Variants in SCYL3 observed in about 807,000 individuals in gnomAD.
SCYL3 encodes the protein protein-associating with the carboxyl-terminal domain of ezrin.
SCYL3 carries 35 observed loss-of-function variants against 73.8 expected under a neutral mutation model. The observed-to-expected ratio is 0.47, with a 90% CI of 0.36 to 0.63. The LOEUF is 0.63. Among genes scored for constraint, SCYL3 ranks in the 20% least tolerant of loss-of-function variants. The pLI is 0.00. For missense variants in SCYL3, 712 were observed against 798.9 expected (o/e 0.89, Z 1.31); for synonymous variants, 277 against 295.2 (o/e 0.94, Z 0.63).
At position 169,864,516 on chromosome 1, in the gene SCYL3, C is replaced by A. The variant is rs1211555527; in HGVS notation, c.816-8G>T. ...ACTCTGTCCAGCAGAAATCTGAGGA[C>A]AAAAAGGGAAAGCCCAGGAAACTGG... is the stretch of plus-strand genomic sequence containing the variant. On this transcript the variant is annotated splice_region_variant and splice_polypyrimidine_tract_variant and intron_variant, in intron 8 of 12. Coordinates refer to ENST00000367771, the MANE Select transcript of SCYL3 (RefSeq NM_020423.7). The A allele has an allele frequency of 6.3e-7, 1 of 1,578,240 alleles. No individual in the cohort carries two copies. The highest frequency in any genetic ancestry group is 1.2e-5 in the South Asian group (1 of 84,624).
At chr1:169,877,903 G>GA (rs2102189683) in intron 3 of SCYL3, among the ~76,000 whole-genome samples, 1 of 152,188 alleles carries the variant, frequency 6.6e-6, no homozygotes, top group East Asian at 1.9e-4. Flanking sequence ...CCAATTAATT[G>GA]AAAAAAATTT....
At position 169,869,021 on chromosome 1, in the gene SCYL3, G is replaced by A. The variant is rs747000775; in HGVS notation, c.644C>T (p.Ser215Phe). ...LNEQVSADVL[S>F]SFQQTLHSTL... ...TGAGTGCAAGGTCTGTTGAAAGCTG[G>A]AGAGAACATCCGCTGAAACTGAAAT... The change falls in exon 7 of 13, where the codon TCC (serine) becomes TTC (phenylalanine). Residue 215 changes from serine (S) to phenylalanine (F), a missense_variant. By Grantham distance (155) the Ser-to-Phe change is radical. Transcript: ENST00000367771. The A allele has an allele frequency of 6.2e-7, 1 of 1,614,032 alleles. No homozygotes were observed.
In SCYL3 at chr1:169,884,298, CGTTTT is replaced by C. The variant is rs546069242; in HGVS notation, c.165+4373_165+4377del. ...ATTTTTTACAAGTGTTTTTTTATTT[CGTTTT>C]GTTTTGTTTTTGAGACAGAGTGTCG... is the stretch of plus-strand genomic sequence containing the variant. On this transcript the variant is annotated intron_variant, in intron 2 of 12. Transcript: ENST00000367771. Among the ~76,000 whole-genome samples, 3 of 151,836 alleles carry C rather than the reference CGTTTT, an allele frequency of 2.0e-5. No homozygotes were observed. The South Asian group carries it at 6.3e-4, about 32-fold the overall frequency.
rs754684220 is a variant in SCYL3, at chr1:169,868,968, G to A, written c.697C>T (p.Arg233Trp). The part of the protein sequence containing the change: ...STLLNPIPKC[R>W]PALCTLLSHD... ...GATAGTAAGGTGCAGAGCGCTGGCC[G>A]ACATTTTGGAATGGGATTCAGCAAA... Residue 233 changes from arginine (R) to tryptophan (W), a missense_variant, in exon 7 of 13, where the codon CGG becomes TGG. Arg to Trp is a moderately radical substitution (Grantham distance 101). Transcript: ENST00000367771. The A allele has an allele frequency of 5.6e-6, 9 of 1,614,112 alleles. No homozygotes were observed. The highest frequency in any genetic ancestry group is 1.6e-4 in the Middle Eastern group (1 of 6,062).
chr1:169,872,995 T>G (rs1051678838), intron 5 of SCYL3, among the ~76,000 whole-genome samples: 2 of 152,054 alleles, frequency 1.3e-5, no homozygotes, highest in Non-Finnish European at 2.9e-5. Flanking sequence ...CTGAAATGAG[T>G]GAAGACTTTG....
chr1:169,860,664 G>C (rs952773683), intron 10 of SCYL3, among the ~76,000 whole-genome samples: 5 of 152,216 alleles, frequency 3.3e-5, no homozygotes, highest in Non-Finnish European at 5.9e-5. Flanking sequence ...TATGATTAGA[G>C]TTCTGCCCAC....
intron 10 of SCYL3, 145 bp from the exon 11 acceptor site, chr1:169,859,357 A>G: frequency 1.5e-6 from 1 of 681,112 alleles, no homozygotes; most frequent in Admixed American, 3.8e-5. Flanking sequence ...TGGCTCTCAA[A>G]CTACCTGTGG....
chr1:169,854,588 TG>T lies in SCYL3; in HGVS notation c.1688del (p.Ser563Ter). 6.2e-7 allele frequency: 1 copy of T among 1,613,830 alleles called. No homozygotes were observed. Among genetic ancestry groups the T allele is most frequent in the Non-Finnish European group, 8.5e-7 (1 of 1,179,866 alleles). ...CAAGGCTAATCTTTTGGGGTAAGCT[TG>T]ATTTCCAAGGCATAGACTCTTCAGT... The part of the protein sequence containing the change: ...SLTEESMPWK[S>X]SLPQKISLVQ... On this transcript the variant is annotated frameshift_variant, in exon 12 of 13. Coordinates refer to ENST00000367771, the MANE Select transcript of SCYL3 (RefSeq NM_020423.7). LOFTEE classifies it high-confidence loss of function.
At chr1:169,862,531 A>G (rs892182354) in intron 10 of SCYL3, 82 bp downstream of exon 10, 3 of 1,457,722 alleles carry the variant, frequency 2.1e-6, no homozygotes, top group African/African-American at 2.8e-5. Flanking sequence ...CTAAGCTATT[A>G]TCTGAATACC....
At chr1:169,867,411 C>G (rs1004447907) in intron 7 of SCYL3, among the ~76,000 whole-genome samples, 9 of 152,210 alleles carry the variant, frequency 5.9e-5, no homozygotes, top group Non-Finnish European at 1.0e-4. Context: ...ATTTCTCCTG[C>G]TGTAAGTTAC....
intron 10 of SCYL3, among the ~76,000 whole-genome samples, chr1:169,862,364 G>A (rs757487388): frequency 6.6e-6 from 1 of 152,146 alleles, no homozygotes; most frequent in African/African-American, 2.4e-5. Flanking sequence ...ATACATTATT[G>A]TTATTCATTT....
chr1:169,865,838 T>G (rs188455400), intron 8 of SCYL3, among the ~76,000 whole-genome samples: 38 of 152,266 alleles, frequency 2.5e-4, no homozygotes, highest in African/African-American at 8.2e-4. Context: ...ATAGCCTTCC[T>G]AGCTCTCTGA....
Position 169,887,619 on chromosome 1 carries a change from T to TAA in SCYL3, c.165+1055_165+1056dup, listed in dbSNP as rs569908183. 4.2e-3 allele frequency among the ~76,000 whole-genome samples: 636 copies of TAA among 152,248 alleles called. 4 individuals are homozygous for TAA. Among genetic ancestry groups the TAA allele is most frequent in the African/African-American group, 0.014 (565 of 41,550 alleles). On this transcript the variant is annotated intron_variant, in intron 2 of 12. Coordinates refer to ENST00000367771, the MANE Select transcript of SCYL3 (RefSeq NM_020423.7). ...AATTCTTAACAATACCTAGATGATG[T>TAA]AAAAAAAGAGTCAAAAATGTGGTTC...
Position 169,878,804 on chromosome 1 carries a change from G to A in SCYL3, c.181C>T (p.Arg61Cys), listed in dbSNP as rs1288846983. The A allele has an allele frequency of 1.2e-6, 2 of 1,611,638 alleles. No individual in the cohort carries two copies. Among genetic ancestry groups the A allele is most frequent in the Non-Finnish European group, 1.7e-6 (2 of 1,179,194 alleles). Residue 61 changes from arginine to cysteine, a missense_variant, in exon 3 of 13, where the codon CGT (arginine) becomes TGT (cysteine). Transcript: ENST00000367771. Reference protein sequence around the residue: ...NKAAKHLKTLRHPCLLRFLSC... With the variant: ...NKAAKHLKTLCHPCLLRFLSC... ...AAAAATCTTAGCAAGCAAGGGTGAC[G>A]AAGTGTCTTCAAATGCTTTAAAAAT... is the stretch of plus-strand genomic sequence containing the variant.
chr1:169,851,600 C>A lies in SCYL3; in HGVS notation c.*2113G>T. The A allele has an allele frequency of 1.7e-6, 1 of 584,872 alleles. No homozygotes were observed. The highest frequency in any genetic ancestry group is 2.9e-6 in the Non-Finnish European group (1 of 344,008). The allele number at this position is 584,872 out of a possible 1,614,324, so 36.2% of individuals were successfully genotyped here. A position where few individuals can be genotyped will look rare whatever the true frequency, so the allele number is the denominator to read the frequency against. On this transcript the variant is annotated 3_prime_UTR_variant, in exon 13 of 13. Transcript: ENST00000367771. The stretch of plus-strand genomic sequence containing the variant: ...AAGGTTAGCAGACTATCATTTTTTC[C>A]TGCAAAGACAACTCTATAACTAACT...
chr1:169,856,369 A>C (rs527412128), intron 11 of SCYL3, among the ~76,000 whole-genome samples: 1 of 152,378 alleles, frequency 6.6e-6, no homozygotes, highest in East Asian at 1.9e-4. Flanking sequence ...TATACACTTA[A>C]AAGTAGTTAA....
In SCYL3 at chr1:169,851,045, C is replaced by CTTTTTTTTTTTTTTTTTT. The variant is rs58984684; in HGVS notation, c.*2650_*2667dup. Reference sequence around the variant, plus strand: ...CCCAAGCCAGGGTAAGCTCAGGGCCCTTTTTTTTTTTTTTTTTTTTTTTTT... The same window carrying CTTTTTTTTTTTTTTTTTT: ...CCCAAGCCAGGGTAAGCTCAGGGCCCTTTTTTTTTTTTTTTTTTTTTTTTTTTTTTTTTTTTTTTTTTT... On this transcript the variant is annotated 3_prime_UTR_variant, in exon 13 of 13. Transcript: ENST00000367771. 2 of 17,312 alleles carry CTTTTTTTTTTTTTTTTTT rather than the reference C, an allele frequency of 1.2e-4. No homozygotes were observed. The highest frequency in any genetic ancestry group is 2.1e-4 in the Non-Finnish European group (2 of 9,630). The allele number at this position is 17,312 out of a possible 1,614,324, so 1.1% of individuals were successfully genotyped here. A position where few individuals can be genotyped will look rare whatever the true frequency, so the allele number is the denominator to read the frequency against.
chr1:169,857,608 ATATTAGG>A (rs1362025001), intron 11 of SCYL3, among the ~76,000 whole-genome samples: 1 of 152,230 alleles, frequency 6.6e-6, no homozygotes, highest in Non-Finnish European at 1.5e-5. Context: ...ATTCAGTGAA[ATATTAGG>A]TAGCTTTCAA....
At chr1:169,865,569 C>T (rs1037640162) in intron 8 of SCYL3, among the ~76,000 whole-genome samples, 2 of 152,140 alleles carry the variant, frequency 1.3e-5, no homozygotes, top group Non-Finnish European at 2.9e-5. Flanking sequence ...TCCTTTCCCT[C>T]GTCTATTAAT....
Sources: gnomAD v4.1 joint callset for allele counts (sites outside exome capture counted in the v4.1 genomes callset) on GRCh38, gnomAD v4.1.1 for gene constraint, MANE v1.5 for transcripts, NCBI Gene and HGNC (gene_info 2026-07-23, HGNC 2026-07-21) for gene names.